The following CRADD variants were observed in gnomAD, a reference collection of about 807,000 sequenced individuals.
CRADD encodes the protein death domain-containing protein CRADD.
A neutral mutation model predicts 15.5 loss-of-function variants in CRADD; 9 were observed. The ratio of observed to expected loss-of-function variants is 0.58; its 90% CI spans 0.35 to 1.01. CRADD has a LOEUF of 1.01. Ranked by LOEUF, CRADD falls within the 50% of genes least tolerant of loss-of-function variation. CRADD has a pLI of 0.02. For synonymous variants in CRADD, 118 were observed against 107.6 expected, an observed-to-expected ratio of 1.10 and a Z score of -0.60; for missense variants, 227 against 250.3, an observed-to-expected ratio of 0.91 and a Z score of 0.63.
chr12:93,790,230 A>C (rs778444133), intron 2 of CRADD, among the ~76,000 whole-genome samples: 1 of 152,100 alleles, frequency 6.6e-6, no homozygotes, highest in Non-Finnish European at 1.5e-5. Flanking sequence ...ATACATTATC[A>C]TTTCTAATAA....
At chr12:93,721,140 G>A (rs148754427) in intron 2 of CRADD, among the ~76,000 whole-genome samples, 95 of 152,252 alleles carry the variant, frequency 6.2e-4, no homozygotes, top group African/African-American at 1.8e-3. Flanking sequence ...GTGTTGCCCA[G>A]GCAGGTCTCA....
chr12:93,689,317 A>G (rs968834033), intron 2 of CRADD, among the ~76,000 whole-genome samples: 1 of 152,178 alleles, frequency 6.6e-6, no homozygotes, highest in African/African-American at 2.4e-5. Flanking sequence ...TCAAACTTGT[A>G]GGCTGCTGTT....
intron 2 of CRADD, among the ~76,000 whole-genome samples, chr12:93,868,779 G>A (rs1958393207): frequency 6.6e-6 from 1 of 151,872 alleles, no homozygotes; most frequent in Non-Finnish European, 1.5e-5. Flanking sequence ...TTTTTCACCT[G>A]CAGACATCCA....
intron 2 of CRADD, among the ~76,000 whole-genome samples, chr12:93,846,325 T>A (rs2137046073): frequency 6.6e-6 from 1 of 152,294 alleles, no homozygotes; most frequent in Admixed American, 6.5e-5. Flanking sequence ...CATATGCTAA[T>A]TCTATTTTTA....
At chr12:93,747,534 C>T (rs1956772859) in intron 2 of CRADD, among the ~76,000 whole-genome samples, 1 of 151,414 alleles carries the variant, frequency 6.6e-6, no homozygotes, top group Non-Finnish European at 1.5e-5. Flanking sequence ...GATCTCAGCT[C>T]ACCACAACCT....
chr12:93,892,963 C>T (rs1958587027), intron 2 of CRADD, among the ~76,000 whole-genome samples: 1 of 152,146 alleles, frequency 6.6e-6, no homozygotes, highest in Non-Finnish European at 1.5e-5. Context: ...TTGGCTCTTC[C>T]GAAAGAACAC....
intron 2 of CRADD, among the ~76,000 whole-genome samples, chr12:93,695,081 A>C (rs1303325570): frequency 6.6e-6 from 1 of 152,258 alleles, no homozygotes; most frequent in East Asian, 1.9e-4. Flanking sequence ...CTACAAAGCT[A>C]TACTAGTCAG....
downstream of CRADD, among the ~76,000 whole-genome samples, chr12:93,853,415 C>A (rs1396526526): frequency 6.7e-6 from 1 of 150,188 alleles, no homozygotes; most frequent in Non-Finnish European, 1.5e-5. Context: ...TTTGTGTTCA[C>A]AACACACTTT....
At chr12:93,809,965 G>A (rs997247250) in intron 2 of CRADD, among the ~76,000 whole-genome samples, 3 of 152,038 alleles carry the variant, frequency 2.0e-5, no homozygotes, top group South Asian at 2.1e-4. Flanking sequence ...TAACCTTCTC[G>A]CTCAACAACT....
chr12:93,744,001 T>C (rs1047128672), intron 2 of CRADD, among the ~76,000 whole-genome samples: 1 of 152,270 alleles, frequency 6.6e-6, no homozygotes, highest in African/African-American at 2.4e-5. Flanking sequence ...CAGACTCTTA[T>C]GTGCTCATTT....
At chr12:93,889,399 G>GT (rs1958560440) in intron 2 of CRADD, among the ~76,000 whole-genome samples, 1 of 152,062 alleles carries the variant, frequency 6.6e-6, no homozygotes, top group Non-Finnish European at 1.5e-5. Flanking sequence ...ATTCCTCTGA[G>GT]GTCACCCTAA....
intron 2 of CRADD, among the ~76,000 whole-genome samples, chr12:93,746,176 A>G (rs910926532): frequency 6.6e-6 from 1 of 152,244 alleles, no homozygotes; most frequent in Admixed American, 6.5e-5. Context: ...CACCATATTC[A>G]TAAAATGATT....
chr12:93,763,578 A>G lies in CRADD; in HGVS notation c.298+84506A>G, dbSNP rs373741216. On this transcript the variant is annotated intron_variant, in intron 2 of 2. Transcript: ENST00000332896. ...CTTTTAATTCTTATTAGCATTTTGG[A>G]TTCAAGTCTAGAAATTCCTCTTCAT... Among the ~76,000 whole-genome samples, 356 of 152,058 alleles carry G rather than the reference A, an allele frequency of 2.3e-3. 2 individuals carry two copies. Among genetic ancestry groups the G allele is most frequent in the African/African-American group, 7.6e-3 (314 of 41,466 alleles).
downstream of CRADD, among the ~76,000 whole-genome samples, chr12:93,854,705 CAGA>C (rs538276555): frequency 3.0e-3 from 459 of 152,284 alleles, 2 homozygotes; most frequent in Non-Finnish European, 4.2e-3. Flanking sequence ...CCCCACCCCA[CAGA>C]ATGCACATCC....
intron 2 of CRADD, among the ~76,000 whole-genome samples, chr12:93,739,817 T>C (rs1956641428): frequency 6.6e-6 from 1 of 152,202 alleles, no homozygotes; most frequent in African/African-American, 2.4e-5. Flanking sequence ...CAATATTTTA[T>C]AGGGAGAACA....
intron 2 of CRADD, among the ~76,000 whole-genome samples, chr12:93,892,502 T>C (rs1342981061): frequency 6.6e-6 from 1 of 152,022 alleles, no homozygotes; most frequent in Non-Finnish European, 1.5e-5. Context: ...CAGTGCCGAG[T>C]CTGCCTGCCT....
intron 2 of CRADD, among the ~76,000 whole-genome samples, chr12:93,840,191 A>G (rs1015028352): frequency 5.3e-5 from 8 of 152,328 alleles, no homozygotes; most frequent in African/African-American, 1.9e-4. Flanking sequence ...TAACAATGTC[A>G]TCCCATCTAG....
At chr12:93,815,338 T>C (rs1368733809) in intron 2 of CRADD, 2 of 152,234 alleles carry the variant, frequency 1.3e-5, no homozygotes, top group Non-Finnish European at 2.9e-5. Flanking sequence ...TAATGATGTT[T>C]GAGTCACTAA....
At chr12:93,774,067 C>G (rs1409431459) in intron 2 of CRADD, among the ~76,000 whole-genome samples, 1 of 149,362 alleles carries the variant, frequency 6.7e-6, no homozygotes, top group African/African-American at 2.5e-5. Context: ...AACTCCTGGG[C>G]TCAAGTGATC....
Sources: gnomAD v4.1 joint callset for allele counts (sites outside exome capture counted in the v4.1 genomes callset) on GRCh38, gnomAD v4.1.1 for gene constraint, MANE v1.5 for transcripts, NCBI Gene and HGNC (gene_info 2026-07-23, HGNC 2026-07-21) for gene names.